Variants in ZFHX3 observed in about 807,000 individuals in gnomAD.
The protein encoded by ZFHX3 is zinc finger homeobox protein 3.
Under a neutral mutation model 279.1 loss-of-function variants are expected in ZFHX3, and 42 were observed. That is an observed-to-expected ratio of 0.15 (90% CI 0.12 to 0.19). ZFHX3 has a LOEUF of 0.19. Among genes scored for constraint, ZFHX3 ranks in the 10% least tolerant of loss-of-function variants. The pLI is 1.00. For missense variants in ZFHX3, 4,981 were observed against 4,754.0 expected (o/e 1.05, Z -1.40); for synonymous variants, 2,293 against 1,957.8 (o/e 1.17, Z -4.52).
intron 1 of ZFHX3, among the ~76,000 whole-genome samples, chr16:72,993,228 C>T (rs1963160277): frequency 6.6e-6 from 1 of 152,220 alleles, no homozygotes; most frequent in Admixed American, 6.5e-5. Context: ...CTGCCTGCTC[C>T]TATCACCCAC....
At chr16:73,115,343 C>A (rs370078145) in intron 7 of ZFHX3, among the ~76,000 whole-genome samples, 9 of 140,280 alleles carry the variant, frequency 6.4e-5, no homozygotes, top group African/African-American at 2.5e-4. Context: ...GAGTTTGAGA[C>A]CAGCCTGGAC....
intron 5 of ZFHX3, among the ~76,000 whole-genome samples, chr16:73,208,578 A>G (rs1597220787): frequency 6.6e-6 from 1 of 152,242 alleles, no homozygotes; most frequent in East Asian, 1.9e-4. Flanking sequence ...TGTTTATAAA[A>G]TAGCATTAAG....
intron 4 of ZFHX3, among the ~76,000 whole-genome samples, chr16:72,856,000 T>C (rs866369810): frequency 2.6e-5 from 4 of 152,214 alleles, no homozygotes; most frequent in African/African-American, 9.7e-5. Flanking sequence ...TGCCTTTCAT[T>C]AACAAAAGGC....
intron 1 of ZFHX3, among the ~76,000 whole-genome samples, chr16:72,967,244 C>T (rs1245907260): frequency 6.6e-6 from 1 of 152,142 alleles, no homozygotes; most frequent in African/African-American, 2.4e-5. Flanking sequence ...GGAGACATGG[C>T]CAATTCTTGG....
chr16:73,878,427 A>C (rs1439125475), intron 1 of ZFHX3, among the ~76,000 whole-genome samples: 2 of 152,144 alleles, frequency 1.3e-5, no homozygotes, highest in African/African-American at 2.4e-5. Flanking sequence ...GACACAGAGT[A>C]AAACTTTTTT....
At chr16:73,344,567 A>G (rs2016090977) in intron 3 of ZFHX3, among the ~76,000 whole-genome samples, 1 of 152,222 alleles carries the variant, frequency 6.6e-6, no homozygotes, top group African/African-American at 2.4e-5. Context: ...AGATAATTGT[A>G]CTGTGATTAG....
At chr16:72,839,880 G>C (rs2037301943) in intron 4 of ZFHX3, among the ~76,000 whole-genome samples, 1 of 152,170 alleles carries the variant, frequency 6.6e-6, no homozygotes, top group Non-Finnish European at 1.5e-5. Context: ...CTGCCTGAAA[G>C]CTTTTTAACA....
rs1567507474 is a variant in ZFHX3 at position 72,788,044 on chromosome 16, T to C, written c.10232A>G (p.Asp3411Gly). ...TPVPPGAPSP[D>G]KDPAKESPKP... ...GGGGGATTCTTTGGCAGGGTCTTTG[T>C]CTGGGGAAGGAGCCCCGGGGGGGAC... Residue 3411 changes from aspartate to glycine, a missense_variant, in exon 10 of 10, where the codon GAC (aspartate) becomes GGC (glycine). By Grantham distance (94) the Asp-to-Gly change is moderately conservative. Transcript: ENST00000268489. 1 of 1,612,360 alleles carries C rather than the reference T, an allele frequency of 6.2e-7. No individual in the cohort carries two copies. The highest frequency in any genetic ancestry group is 1.1e-5 in the South Asian group (1 of 91,048).
chr16:73,406,531 C>T (rs943696922), intron 3 of ZFHX3, among the ~76,000 whole-genome samples: 8 of 152,184 alleles, frequency 5.3e-5, no homozygotes, highest in Non-Finnish European at 7.3e-5. Context: ...GACAGCTTCG[C>T]GTAGCTGCTC....
At chr16:73,874,223 A>G (rs537336080) in intron 1 of ZFHX3, among the ~76,000 whole-genome samples, 4 of 152,304 alleles carry the variant, frequency 2.6e-5, no homozygotes, top group South Asian at 2.1e-4. Context: ...TACTGTGTGC[A>G]TATTTAGGAA....
intron 2 of ZFHX3, chr16:73,554,640 C>G (rs543246102): frequency 2.7e-4 from 41 of 152,256 alleles, no homozygotes; most frequent in African/African-American, 9.4e-4. Flanking sequence ...TAATTTCTGG[C>G]TTTCACAGAC....
At chr16:73,403,340 C>T (rs1011689957) in intron 3 of ZFHX3, among the ~76,000 whole-genome samples, 1 of 152,172 alleles carries the variant, frequency 6.6e-6, no homozygotes, top group Non-Finnish European at 1.5e-5. Context: ...CGCAGGGGTT[C>T]GTTAAGTGAC....
chr16:73,251,125 G>C (rs1245788161), intron 5 of ZFHX3, among the ~76,000 whole-genome samples: 1 of 152,272 alleles, frequency 6.6e-6, no homozygotes, highest in South Asian at 2.1e-4. Flanking sequence ...ACTCAAAAAA[G>C]TGTCTATTCT....
At chr16:73,709,911 G>A (rs775646696) in intron 1 of ZFHX3, among the ~76,000 whole-genome samples, 22 of 152,190 alleles carry the variant, frequency 1.4e-4, no homozygotes, top group Non-Finnish European at 2.6e-4. Context: ...GCCGGGCGTG[G>A]TGGCTCATGC....
intron 5 of ZFHX3, among the ~76,000 whole-genome samples, chr16:73,175,381 AAAAC>A (rs111246395): frequency 2.0e-5 from 3 of 150,416 alleles, no homozygotes; most frequent in Non-Finnish European, 2.9e-5. Context: ...CTATGTCTCC[AAAAC>A]AAACAAACAA....
chr16:73,057,729 G>A (rs1406599125), intron 1 of ZFHX3, among the ~76,000 whole-genome samples: 1 of 151,570 alleles, frequency 6.6e-6, no homozygotes, highest in African/African-American at 2.4e-5. Context: ...GGCGCTGCCA[G>A]TGGGGCAGGG....
intron 5 of ZFHX3, among the ~76,000 whole-genome samples, chr16:73,186,633 A>G (rs367973851): frequency 1.3e-5 from 2 of 150,542 alleles, no homozygotes; most frequent in Middle Eastern, 3.5e-3. Flanking sequence ...CCTTTTCTTC[A>G]TGAAAAACAT....
In ZFHX3 at chr16:72,845,959, C is replaced by G. The variant is rs2037469183; in HGVS notation, c.3449-16100G>C. Among the ~76,000 whole-genome samples the G allele has an allele frequency of 2.0e-5, 3 of 152,148 alleles. No individual in the cohort carries two copies. The East Asian group carries it at 5.8e-4, about 29-fold the overall frequency. On this transcript the variant is annotated intron_variant, in intron 4 of 9. Transcript: ENST00000268489. ...TATGCTTAATGGCTACCTCTAGAGGCACCAACCATGGTGGCCTTCACAGGA... is the reference window on the plus strand; with the variant it reads ...TATGCTTAATGGCTACCTCTAGAGGGACCAACCATGGTGGCCTTCACAGGA...
At chr16:73,217,281 T>A (rs187977257) in intron 5 of ZFHX3, among the ~76,000 whole-genome samples, 2 of 152,330 alleles carry the variant, frequency 1.3e-5, no homozygotes, top group African/African-American at 4.8e-5. Context: ...TACCAGCTGC[T>A]GCAGCCTTCG....
Sources: allele counts gnomAD v4.1 joint callset (sites outside exome capture counted in the v4.1 genomes callset), GRCh38; gene constraint gnomAD v4.1.1; transcripts MANE v1.5; gene names NCBI Gene and HGNC (gene_info 2026-07-23, HGNC 2026-07-21).